The following COPG2 variants were observed in gnomAD, a reference collection of about 807,000 sequenced individuals.
COPG2 encodes coatomer subunit gamma-2.
COPG2 carries 37 observed loss-of-function variants against 46.3 expected under a neutral mutation model. The ratio of observed to expected loss-of-function variants is 0.80; its 90% confidence interval spans 0.61 to 1.05. COPG2 has a LOEUF of 1.05. Ranked by LOEUF, COPG2 falls within the 50% of genes least tolerant of loss-of-function variation. The probability of loss-of-function intolerance (pLI) is 0.00; values close to 1 mark genes in which losing one functional copy is unlikely to be tolerated. For missense variants in COPG2, 427 were observed against 387.8 expected (o/e 1.10, Z -0.85); for synonymous variants, 159 against 129.7 (o/e 1.23, Z -1.53).
intron 9 of COPG2, among the ~76,000 whole-genome samples, chr7:130,587,953 A>G (rs539331516): frequency 3.3e-5 from 5 of 152,226 alleles, no homozygotes; most frequent in Non-Finnish European, 7.3e-5. Context: ...ACAAGAAAAA[A>G]AAACAAACAA....
chr7:130,521,620 A>C (rs1036917052), intron 20 of COPG2, among the ~76,000 whole-genome samples: 44 of 152,244 alleles, frequency 2.9e-4, no homozygotes, highest in Non-Finnish European at 5.4e-4. Flanking sequence ...ACATACTAAA[A>C]AATAAGATTT....
rs1455213583 is a variant in COPG2, at chr7:130,548,560, C to T, written c.1838-18G>A. On this transcript the variant is annotated intron_variant, in intron 18 of 23. Coordinates refer to ENST00000425248, the MANE Select transcript of COPG2 (RefSeq NM_012133.6). ...CAATTGTTCTATCAAGAAAAAAGAA[C>T]GTAGGCTATGAAGAAGACAGGGAAA... 2.0e-5 allele frequency: 8 copies of T among 398,364 alleles called. No homozygotes were observed. The highest frequency in any genetic ancestry group is 6.2e-5 in the African/African-American group (3 of 48,616). The allele number at this position is 398,364 out of a possible 1,614,324, so 24.7% of individuals were successfully genotyped here. A position where few individuals can be genotyped will look rare whatever the true frequency, so the allele number is the denominator to read the frequency against.
intron 12 of COPG2, 130 bp from the exon 13 acceptor site, chr7:130,555,262 A>G (rs1793603509): frequency 7.9e-6 from 3 of 381,810 alleles, no homozygotes; most frequent in African/African-American, 6.2e-5. Flanking sequence ...ACTACAAGCT[A>G]AGAAGATCCT....
At chr7:130,609,412 T>C (rs1030054381) in intron 9 of COPG2, among the ~76,000 whole-genome samples, 3 of 152,192 alleles carry the variant, frequency 2.0e-5, no homozygotes, top group Non-Finnish European at 4.4e-5. Flanking sequence ...CCTGCTGCCA[T>C]CCATTCAAGA....
intron 5 of COPG2, among the ~76,000 whole-genome samples, chr7:130,640,002 G>A (rs895993737): frequency 1.3e-5 from 2 of 151,958 alleles, no homozygotes; most frequent in East Asian, 1.9e-4. Flanking sequence ...GGTTTCTTCC[G>A]AGGGTTTTAA....
At chr7:130,627,374 C>G (rs1795137747) in intron 5 of COPG2, among the ~76,000 whole-genome samples, 1 of 152,114 alleles carries the variant, frequency 6.6e-6, no homozygotes, top group Non-Finnish European at 1.5e-5. Context: ...TATCACTAGA[C>G]CATCAGCTAA....
At chr7:130,607,240 C>CATAAATAAATAA (rs5887469) in intron 9 of COPG2, among the ~76,000 whole-genome samples, 29 of 145,964 alleles carry the variant, frequency 2.0e-4, no homozygotes, top group African/African-American at 5.1e-4. Flanking sequence ...GAGAGACTGT[C>CATAAATAAATAA]ATAAATAAAT....
chr7:130,596,400 G>C (rs559610599), intron 9 of COPG2, among the ~76,000 whole-genome samples: 6 of 152,200 alleles, frequency 3.9e-5, no homozygotes, highest in Non-Finnish European at 8.8e-5. Context: ...GGCCCTTCAA[G>C]GTGGCTATTA....
chr7:130,591,584 C>T (rs1794425971), intron 9 of COPG2, among the ~76,000 whole-genome samples: 1 of 141,074 alleles, frequency 7.1e-6, no homozygotes, highest in African/African-American at 2.7e-5. Flanking sequence ...GCCAGCCGCC[C>T]CGTCCGGGAA....
In COPG2 at chr7:130,613,491, G is replaced by A. The variant is rs371892639; in HGVS notation, c.492+53C>T. On this transcript the variant is annotated intron_variant, in intron 7 of 23. Coordinates refer to ENST00000425248, the MANE Select transcript of COPG2 (RefSeq NM_012133.6). ...ACAATCATAGTGATACTTTGTTTTC[G>A]CAACTCAAAACTGTACCATGCTTAA... The A allele has an allele frequency of 1.5e-3, 1,614 of 1,081,862 alleles. 5 individuals are homozygous for A. The highest frequency in any genetic ancestry group is 1.8e-3 in the Non-Finnish European group (1,291 of 722,908). The allele number at this position is 1,081,862 out of a possible 1,614,324, so 67.0% of individuals were successfully genotyped here.
At chr7:130,506,867 A>G in intron 23 of COPG2, 61 bp from the exon 24 acceptor site, 1 of 717,486 alleles carries the variant, frequency 1.4e-6, no homozygotes, top group Non-Finnish European at 2.6e-6. Context: ...GGATAATGAA[A>G]TTTATCATGC....
intron 20 of COPG2, among the ~76,000 whole-genome samples, chr7:130,520,683 A>G (rs1799716517): frequency 6.6e-6 from 1 of 152,212 alleles, no homozygotes; most frequent in African/African-American, 2.4e-5. Flanking sequence ...TGTGTTATGC[A>G]TTATTCCTGT....
chr7:130,575,795 T>C (rs1230056013), intron 9 of COPG2, among the ~76,000 whole-genome samples: 3 of 152,146 alleles, frequency 2.0e-5, no homozygotes, highest in African/African-American at 7.2e-5. Context: ...GCAAAATGGA[T>C]AACAACTCAC....
intron 20 of COPG2, 134 bp downstream of exon 20, chr7:130,547,526 TCACACACACACAAA>T (rs1338107581): frequency 1.0e-3 from 396 of 396,138 alleles, no homozygotes; most frequent in African/African-American, 7.1e-3. Flanking sequence ...ATATATATAT[TCACACACACACAAA>T]CACACACACA....
intron 20 of COPG2, among the ~76,000 whole-genome samples, chr7:130,542,747 C>T (rs978645447): frequency 1.3e-4 from 19 of 151,934 alleles, no homozygotes; most frequent in African/African-American, 3.6e-4. Flanking sequence ...AATTTGATGA[C>T]GGAAGTTTAT....
chr7:130,547,505 C>T, intron 20 of COPG2, 169 bp downstream of exon 20: 2 of 395,808 alleles, frequency 5.1e-6, no homozygotes, highest in Non-Finnish European at 4.4e-6. Context: ...CAGCAGTAAA[C>T]CATTTTATAA....
intron 3 of COPG2, among the ~76,000 whole-genome samples, chr7:130,664,575 T>A (rs1340868647): frequency 6.6e-6 from 1 of 152,242 alleles, no homozygotes. Flanking sequence ...GGCAAAGAGA[T>A]AAAATTTATG....
intron 5 of COPG2, among the ~76,000 whole-genome samples, chr7:130,648,417 C>T (rs1795662838): frequency 6.6e-6 from 1 of 152,154 alleles, no homozygotes; most frequent in Non-Finnish European, 1.5e-5. Flanking sequence ...CACACTGCAG[C>T]ATCAATTCAA....
chr7:130,626,360 A>G (rs1185644207), intron 5 of COPG2, among the ~76,000 whole-genome samples: 1 of 151,292 alleles, frequency 6.6e-6, no homozygotes, highest in Admixed American at 6.6e-5. Flanking sequence ...CGGGCCAGAG[A>G]GATGTCAGCC....
Sources: gnomAD v4.1 joint callset for allele counts (sites outside exome capture counted in the v4.1 genomes callset) on GRCh38, gnomAD v4.1.1 for gene constraint, MANE v1.5 for transcripts, NCBI Gene and HGNC (gene_info 2026-07-23, HGNC 2026-07-21) for gene names.